CPNE4: variants seen among roughly 807,000 people sequenced by gnomAD.
CPNE4 encodes the protein copine-4.
CPNE4 carries 25 observed loss-of-function variants against 67.9 expected under a neutral mutation model. That is an observed-to-expected ratio of 0.37 (90% CI 0.27 to 0.51). The LOEUF (loss-of-function observed/expected upper bound fraction) is 0.51, where lower values mean the gene tolerates loss of function less well. Among genes scored for constraint, CPNE4 ranks in the 20% least tolerant of loss-of-function variants. CPNE4 has a pLI of 0.93. For missense variants in CPNE4, 464 were observed against 690.8 expected, an observed-to-expected ratio of 0.67 and a Z score of 3.68; for synonymous variants, 242 against 244.9, an observed-to-expected ratio of 0.99 and a Z score of 0.11.
chr3:131,728,899 CAAAAAAAAAA>C (rs34269107), intron 2 of CPNE4, among the ~76,000 whole-genome samples: 3 of 89,970 alleles, frequency 3.3e-5, no homozygotes, highest in Admixed American at 2.6e-4. Context: ...AACAGAGCCT[CAAAAAAAAAA>C]AAAAAAAAAA....
intron 6 of CPNE4, among the ~76,000 whole-genome samples, chr3:131,680,675 A>AT (rs768413436): frequency 6.6e-6 from 1 of 152,010 alleles, no homozygotes; most frequent in Non-Finnish European, 1.5e-5. Flanking sequence ...TATTTATTTA[A>AT]TTTTTTTATT....
At position 131,678,564 on chromosome 3, in the gene CPNE4, C is replaced by CTG. The variant is rs569695913; in HGVS notation, c.591+7309_591+7310dup. 4.6e-4 allele frequency among the ~76,000 whole-genome samples: 70 copies of CTG among 152,106 alleles called. No homozygotes were observed. The South Asian group carries it at 8.7e-3, about 19-fold the overall frequency. ...TTTTTCCCATTCAGTATGATGTTGT[C>CTG]TGTGGGTTTGTCATATATGGCTCTT... is the stretch of plus-strand genomic sequence containing the variant. On this transcript the variant is annotated intron_variant, in intron 6 of 15. Coordinates refer to ENST00000429747, the MANE Select transcript of CPNE4 (RefSeq NM_130808.3).
intron 2 of CPNE4, among the ~76,000 whole-genome samples, chr3:131,851,831 C>T (rs2086252081): frequency 6.6e-6 from 1 of 151,920 alleles, no homozygotes; most frequent in Non-Finnish European, 1.5e-5. Context: ...GAACATATAG[C>T]CTTGTTACTT....
At chr3:131,894,639 A>T (rs1042729237) in intron 2 of CPNE4, among the ~76,000 whole-genome samples, 1 of 151,994 alleles carries the variant, frequency 6.6e-6, no homozygotes, top group Non-Finnish European at 1.5e-5. Context: ...AATTATCAGG[A>T]AAATGTAAAT....
chr3:131,921,212 G>A (rs2070732219), intron 1 of CPNE4, among the ~76,000 whole-genome samples: 1 of 152,134 alleles, frequency 6.6e-6, no homozygotes. Context: ...ACCACCAACT[G>A]GATTAGAACA....
chr3:131,820,288 G>A (rs2084915063), intron 2 of CPNE4, among the ~76,000 whole-genome samples: 1 of 152,226 alleles, frequency 6.6e-6, no homozygotes, highest in Non-Finnish European at 1.5e-5. Flanking sequence ...TGACAGCCCA[G>A]TGACAGCCTT....
intron 2 of CPNE4, among the ~76,000 whole-genome samples, chr3:131,768,120 G>T (rs2083069341): frequency 1.3e-5 from 2 of 152,114 alleles, no homozygotes; most frequent in African/African-American, 2.4e-5. Context: ...AAGTGTCAAT[G>T]CTCTCTTGTT....
At chr3:131,684,714 A>G (rs1005926095) in intron 6 of CPNE4, among the ~76,000 whole-genome samples, 19 of 152,188 alleles carry the variant, frequency 1.2e-4, no homozygotes, top group African/African-American at 4.6e-4. Context: ...ATGCAAGCAT[A>G]ACTGGGTCTT....
intron 1 of CPNE4, among the ~76,000 whole-genome samples, chr3:131,978,109 A>AAATATATAT (rs1560720422): frequency 1.7e-5 from 1 of 60,388 alleles, no homozygotes; most frequent in African/African-American, 2.7e-4. Flanking sequence ...AAATATATAT[A>AAATATATAT]AAATATATAT....
At chr3:131,712,076 T>C (rs75229216) in intron 3 of CPNE4, among the ~76,000 whole-genome samples, 1 of 152,150 alleles carries the variant, frequency 6.6e-6, no homozygotes, top group Admixed American at 6.5e-5. Flanking sequence ...ATTTCCCAAA[T>C]TAGAATTCTT....
chr3:131,673,699 T>C (rs1016730175), intron 6 of CPNE4, among the ~76,000 whole-genome samples: 7 of 152,042 alleles, frequency 4.6e-5, no homozygotes, highest in Non-Finnish European at 1.0e-4. Flanking sequence ...TTATTAGTTC[T>C]AACAGTTTTC....
At chr3:131,943,862 C>T (rs1322261875) in intron 1 of CPNE4, among the ~76,000 whole-genome samples, 1 of 152,156 alleles carries the variant, frequency 6.6e-6, no homozygotes, top group Non-Finnish European at 1.5e-5. Context: ...TTCTTAAAGT[C>T]CCCTCAAACA....
intron 7 of CPNE4, among the ~76,000 whole-genome samples, chr3:131,633,438 G>A (rs750588953): frequency 1.1e-4 from 16 of 152,032 alleles, no homozygotes; most frequent in Admixed American, 1.3e-4. Context: ...CTAAAGAGCC[G>A]GTCTCAAAAG....
intron 12 of CPNE4, among the ~76,000 whole-genome samples, chr3:131,553,027 C>T (rs1411256139): frequency 1.3e-5 from 2 of 152,074 alleles, no homozygotes; most frequent in African/African-American, 4.8e-5. Context: ...ACAGACTGCA[C>T]TCTACTTTTG....
chr3:131,598,621 T>A (rs1036804148), intron 7 of CPNE4, among the ~76,000 whole-genome samples: 5 of 152,286 alleles, frequency 3.3e-5, no homozygotes, highest in African/African-American at 9.6e-5. Flanking sequence ...CTAGCAAGAA[T>A]TGAATTAGGC....
intron 2 of CPNE4, among the ~76,000 whole-genome samples, chr3:131,782,606 AT>A (rs1432469888): frequency 4.6e-5 from 7 of 152,104 alleles, no homozygotes; most frequent in African/African-American, 1.7e-4. Flanking sequence ...TAGATTTAAA[AT>A]GTTCTACTAG....
intron 1 of CPNE4, among the ~76,000 whole-genome samples, chr3:131,926,692 T>A (rs1443886980): frequency 2.0e-5 from 3 of 152,154 alleles, no homozygotes; most frequent in Non-Finnish European, 4.4e-5. Context: ...CAAACCTCAC[T>A]AAGCAAAATG....
At chr3:131,539,027 A>G (rs1935331313) in intron 15 of CPNE4, 1 of 152,234 alleles carries the variant, frequency 6.6e-6, no homozygotes, top group African/African-American at 2.4e-5. Flanking sequence ...GCTCTGAGTT[A>G]TCATGCAGAG....
intron 2 of CPNE4, among the ~76,000 whole-genome samples, chr3:131,828,334 T>C (rs1290282497): frequency 2.0e-5 from 3 of 152,214 alleles, no homozygotes; most frequent in Non-Finnish European, 4.4e-5. Flanking sequence ...CCCTAATTTA[T>C]AACACCTTAG....
Sources: allele counts gnomAD v4.1 joint callset (sites outside exome capture counted in the v4.1 genomes callset), GRCh38; gene constraint gnomAD v4.1.1; transcripts MANE v1.5; gene names NCBI Gene and HGNC (gene_info 2026-07-23, HGNC 2026-07-21).